Variants in CDK15 observed in about 807,000 individuals in gnomAD.
CDK15 encodes cyclin-dependent kinase 15.
A neutral mutation model predicts 60.3 loss-of-function variants in CDK15; 62 were observed. The observed-to-expected ratio is 1.03, with a 90% confidence interval of 0.84 to 1.27. The LOEUF is 1.27. Among genes scored for constraint, CDK15 ranks in the 50% most tolerant of loss-of-function variants. The pLI is 0.00. For synonymous variants in CDK15, 194 were observed against 195.7 expected, an observed-to-expected ratio of 0.99 and a Z score of 0.07; for missense variants, 541 against 527.8, an observed-to-expected ratio of 1.03 and a Z score of -0.25.
chr2:201,860,272 C>T (rs1698334254), intron 10 of CDK15, among the ~76,000 whole-genome samples: 1 of 152,240 alleles, frequency 6.6e-6, no homozygotes, highest in Non-Finnish European at 1.5e-5. Context: ...TCCTTCTCCA[C>T]TAATGGTTCC....
At position 201,854,947 on chromosome 2, in the gene CDK15, A is replaced by G; in HGVS notation, c.1009+10A>G. The G allele has an allele frequency of 6.2e-7, 1 of 1,613,100 alleles. No individual in the cohort carries two copies. Among genetic ancestry groups the G allele is most frequent in the African/African-American group, 1.3e-5 (1 of 75,012 alleles). On this transcript the variant is annotated intron_variant, in intron 10 of 13. Coordinates refer to ENST00000652192, the MANE Select transcript of CDK15 (RefSeq NM_001366386.2). ...CCTAACTACAATCCAGGTAATATTG[A>G]TCTGAGCTTCTGAATACTCTGAGAA...
At chr2:201,843,253 G>A (rs1697482663) in intron 8 of CDK15, among the ~76,000 whole-genome samples, 1 of 152,128 alleles carries the variant, frequency 6.6e-6, no homozygotes, top group South Asian at 2.1e-4. Flanking sequence ...GTGGTGCGAT[G>A]TCGGCTCACT....
At chr2:201,828,295 G>T (rs1050684259) in intron 6 of CDK15, among the ~76,000 whole-genome samples, 2 of 101,198 alleles carry the variant, frequency 2.0e-5, no homozygotes, top group Admixed American at 2.0e-4. Flanking sequence ...AGCACATAGA[G>T]TTTAGAAGAC....
chr2:201,866,845 G>A (rs1470086076), intron 10 of CDK15, among the ~76,000 whole-genome samples: 1 of 152,138 alleles, frequency 6.6e-6, no homozygotes, highest in African/African-American at 2.4e-5. Context: ...TGGGAGGGCA[G>A]GCCACAAACA....
Position 201,824,451 on chromosome 2 carries a change from G to A in CDK15, c.606+724G>A, listed in dbSNP as rs182819444. 157 of 159,684 alleles carry A rather than the reference G, an allele frequency of 9.8e-4. 1 individual carries two copies. The highest frequency in any genetic ancestry group is 1.3e-3 in the Non-Finnish European group (91 of 72,588). 9.9% of individuals were successfully genotyped at this position (159,684 alleles called of 1,614,324 possible). On this transcript the variant is annotated intron_variant, in intron 6 of 13. Transcript: ENST00000652192. ...GGGGTTTCAATAATGAATAAGTTCT[G>A]TTTCTTATTTTCAATGAGCTTAAAG...
At chr2:201,842,764 A>G (rs547723935) in intron 8 of CDK15, among the ~76,000 whole-genome samples, 1 of 152,218 alleles carries the variant, frequency 6.6e-6, no homozygotes, top group Non-Finnish European at 1.5e-5. Context: ...AGTTTCCTCT[A>G]ACTTGACTGA....
rs115295785 is a variant in CDK15 at position 201,821,361 on chromosome 2, C to T, written c.449-1448C>T. 1.1e-3 allele frequency among the ~76,000 whole-genome samples: 162 copies of T among 151,980 alleles called. 1 individual carries two copies. Among genetic ancestry groups the T allele is most frequent in the African/African-American group, 3.6e-3 (150 of 41,414 alleles). On this transcript the variant is annotated intron_variant, in intron 4 of 13. Coordinates refer to ENST00000652192, the MANE Select transcript of CDK15 (RefSeq NM_001366386.2). ...GATGAGCATGGTCTGAGGAAGAAGA[C>T]GGTTGTTTTTCCAGGGGAAAATAGA...
chr2:201,847,196 A>G (rs1697708163), intron 8 of CDK15, among the ~76,000 whole-genome samples, 185 bp from the exon 9 acceptor site: 1 of 152,218 alleles, frequency 6.6e-6, no homozygotes, highest in Non-Finnish European at 1.5e-5. Context: ...ATTTTAATAA[A>G]AAGCTGTGGG....
intron 10 of CDK15, among the ~76,000 whole-genome samples, chr2:201,869,053 C>A (rs1698749523): frequency 6.6e-6 from 1 of 152,176 alleles, no homozygotes; most frequent in Non-Finnish European, 1.5e-5. Flanking sequence ...GATTATAAAT[C>A]ATGCTACTAT....
rs1696874772 is a variant in CDK15 at position 201,833,776 on chromosome 2, G to A, written c.607-72G>A. 3 of 1,298,918 alleles carry A rather than the reference G, an allele frequency of 2.3e-6. No homozygotes were observed. The South Asian group carries it at 4.8e-5, about 21-fold the overall frequency. 80.5% of individuals were successfully genotyped at this position (1,298,918 alleles called of 1,614,324 possible). A position where few individuals can be genotyped will look rare whatever the true frequency, so the allele number is the denominator to read the frequency against. On this transcript the variant is annotated intron_variant, in intron 6 of 13. Coordinates refer to ENST00000652192, the MANE Select transcript of CDK15 (RefSeq NM_001366386.2). Reference sequence around the variant, plus strand: ...TTTTACTATATTCTTTGAGATGACTGTTTTTGATTTAGAGGCGAAATCAGC... The same window carrying A: ...TTTTACTATATTCTTTGAGATGACTATTTTTGATTTAGAGGCGAAATCAGC...
In CDK15 at chr2:201,833,847, G is replaced by A. The variant is rs549866521; in HGVS notation, c.607-1G>A. The A allele has an allele frequency of 5.0e-5, 80 of 1,612,850 alleles. No individual in the cohort carries two copies. The South Asian group carries it at 8.7e-4, about 18-fold the overall frequency. On this transcript the variant is annotated splice_acceptor_variant, in intron 6 of 13. Transcript: ENST00000652192. LOFTEE classifies it high-confidence loss of function. ...TTATGGATAGTGTTTCTTCCTTCCA[G>A]CTTTTCATGTTTCAACTTTTGCGGG...
intron 10 of CDK15, among the ~76,000 whole-genome samples, chr2:201,870,451 G>A (rs1698807477): frequency 6.6e-6 from 1 of 150,904 alleles, no homozygotes; most frequent in Non-Finnish European, 1.5e-5. Flanking sequence ...GCTCATGCCT[G>A]TAATCCGAGC....
chr2:201,822,687 C>G (rs1032130343), intron 4 of CDK15, 122 bp from the exon 5 acceptor site: 21 of 564,716 alleles, frequency 3.7e-5, no homozygotes, highest in Non-Finnish European at 6.3e-5. Context: ...AGATTGTTTT[C>G]CAGCAGTAAA....
chr2:201,890,850 T>A lies in CDK15; in HGVS notation c.1264T>A (p.Tyr422Asn). Residue 422 changes from tyrosine to asparagine, a missense_variant, in exon 13 of 14, where the codon TAC (tyrosine) becomes AAC (asparagine). Physicochemically the swap from Tyr to Asn is moderately radical, Grantham distance 143 (BLOSUM62 -2). Coordinates refer to ENST00000652192, the MANE Select transcript of CDK15 (RefSeq NM_001366386.2). ...AGAAATGTGTGACCTTTTGGCCTCC[T>A]ACCAGAAAGGTCACCACCCAGCCCA... ...KPEMCDLLAS[Y>N]QKGHHPAQFS... 6.2e-7 allele frequency: 1 copy of A among 1,613,830 alleles called. No homozygotes were observed. The highest frequency in any genetic ancestry group is 1.3e-5 in the African/African-American group (1 of 75,052).
intron 8 of CDK15, among the ~76,000 whole-genome samples, chr2:201,838,973 G>T (rs542319865): frequency 6.6e-6 from 1 of 151,024 alleles, no homozygotes; most frequent in Non-Finnish European, 1.5e-5. Flanking sequence ...ACGGAGTCTC[G>T]CTCGTCGCCC....
In CDK15 at chr2:201,839,341, G is replaced by A. The variant is rs1289005267; in HGVS notation, c.851+3578G>A. Among the ~76,000 whole-genome samples the A allele has an allele frequency of 3.9e-5, 6 of 152,142 alleles. No individual in the cohort carries two copies. In the East Asian group the frequency reaches 1.2e-3, roughly 29 times the overall value. ...GACCTGTACTTATTGGAAGTGTCAAGATTTTAAAAGATAAAGACTGAGGAA... is the reference window on the plus strand; with the variant it reads ...GACCTGTACTTATTGGAAGTGTCAAAATTTTAAAAGATAAAGACTGAGGAA... On this transcript the variant is annotated intron_variant, in intron 8 of 13. Transcript: ENST00000652192.
intron 6 of CDK15, among the ~76,000 whole-genome samples, chr2:201,830,233 G>A (rs1357619023): frequency 1.3e-5 from 2 of 152,068 alleles, no homozygotes; most frequent in African/African-American, 2.4e-5. Context: ...GAGTCCCTGC[G>A]CCTGGCCAGA....
chr2:201,890,984 C>A, intron 13 of CDK15, 57 bp downstream of exon 13: 1 of 891,396 alleles, frequency 1.1e-6, no homozygotes, highest in Non-Finnish European at 1.8e-6. Flanking sequence ...CAATTGGTGC[C>A]GGGTGGAGAG....
At chr2:201,850,204 GC>G (rs1697849214) in intron 9 of CDK15, among the ~76,000 whole-genome samples, 1 of 152,138 alleles carries the variant, frequency 6.6e-6, no homozygotes, top group African/African-American at 2.4e-5. Flanking sequence ...GGAGGCTGAG[GC>G]AGGAGGATCC....
Sources: gnomAD v4.1 joint callset for allele counts (sites outside exome capture counted in the v4.1 genomes callset) on GRCh38, gnomAD v4.1.1 for gene constraint, MANE v1.5 for transcripts, NCBI Gene and HGNC (gene_info 2026-07-23, HGNC 2026-07-21) for gene names.